Variants in RHOBTB3 observed in about 807,000 individuals in gnomAD.
RHOBTB3 encodes the protein rho-related BTB domain-containing protein 3.
RHOBTB3 carries 47 observed loss-of-function variants against 67.2 expected under a neutral mutation model. The ratio of observed to expected loss-of-function variants is 0.70; its 90% confidence interval spans 0.55 to 0.89. The LOEUF (loss-of-function observed/expected upper bound fraction) is 0.89. Ranked by LOEUF, RHOBTB3 falls within the 40% of genes least tolerant of loss-of-function variation. RHOBTB3 has a pLI of 0.00. For missense variants in RHOBTB3, 631 were observed against 750.0 expected (o/e 0.84, Z 1.85); for synonymous variants, 273 against 274.2 (o/e 1.00, Z 0.04).
At chr5:95,745,912 G>C (rs1484496228) in intron 3 of RHOBTB3, among the ~76,000 whole-genome samples, 1 of 152,006 alleles carries the variant, frequency 6.6e-6, no homozygotes, top group Non-Finnish European at 1.5e-5. Context: ...TGATATTGAA[G>C]AATATAGGAA....
At chr5:95,746,825 C>T (rs1744929557) in intron 3 of RHOBTB3, among the ~76,000 whole-genome samples, 1 of 152,146 alleles carries the variant, frequency 6.6e-6, no homozygotes, top group Non-Finnish European at 1.5e-5. Flanking sequence ...CTCCAAAATG[C>T]TTTCAGTGAA....
At chr5:95,788,518 C>T (rs1440179650) in intron 10 of RHOBTB3, among the ~76,000 whole-genome samples, 2 of 152,194 alleles carry the variant, frequency 1.3e-5, no homozygotes, top group Non-Finnish European at 2.9e-5. Flanking sequence ...TTTGGCCACT[C>T]CGGCAGCCGT....
rs1346997790 is a variant in RHOBTB3 at position 95,795,339 on chromosome 5, T to G, written c.*2165T>G. 2 of 152,180 alleles carry G rather than the reference T, an allele frequency of 1.3e-5. No homozygotes were observed. The highest frequency in any genetic ancestry group is 2.4e-5 in the African/African-American group (1 of 41,434). The allele number at this position is 152,180 out of a possible 1,614,324, so 9.4% of individuals were successfully genotyped here. A position where few individuals can be genotyped will look rare whatever the true frequency, so the allele number is the denominator to read the frequency against. ...TAGATTTCTAGAAATTCATTCACAT[T>G]TAAGACTTCTAAAATGGAATAATAG... is the stretch of plus-strand genomic sequence containing the variant. On this transcript the variant is annotated 3_prime_UTR_variant, in exon 12 of 12. Transcript: ENST00000379982.
At chr5:95,731,767 G>A (rs1755268710) in intron 1 of RHOBTB3, 83 bp downstream of exon 1, 3 of 1,605,412 alleles carry the variant, frequency 1.9e-6, no homozygotes, top group Non-Finnish European at 2.6e-6. Context: ...GCCCATCCTC[G>A]CCGCGCGCTG....
upstream of RHOBTB3, among the ~76,000 whole-genome samples, chr5:95,728,866 T>C (rs1275293148): frequency 6.6e-6 from 1 of 152,192 alleles, no homozygotes; most frequent in Non-Finnish European, 1.5e-5. Flanking sequence ...AAAACCAAGA[T>C]GGTGGTGACA....
chr5:95,785,261 G>A (rs939674228), intron 10 of RHOBTB3, among the ~76,000 whole-genome samples: 1 of 152,040 alleles, frequency 6.6e-6, no homozygotes, highest in Non-Finnish European at 1.5e-5. Context: ...CAAGTCTTAC[G>A]ATCACATGTA....
intron 2 of RHOBTB3, among the ~76,000 whole-genome samples, chr5:95,734,283 G>A (rs1053683216): frequency 6.6e-6 from 1 of 151,288 alleles, no homozygotes; most frequent in African/African-American, 2.5e-5. Context: ...TTTCACTGTA[G>A]AAATTCAGAT....
chr5:95,752,166 C>A, intron 4 of RHOBTB3, 73 bp from the exon 5 acceptor site: 1 of 876,114 alleles, frequency 1.1e-6, no homozygotes, highest in Non-Finnish European at 1.8e-6. Flanking sequence ...ACAATTGTGA[C>A]TTCAGATGCA....
intron 3 of RHOBTB3, among the ~76,000 whole-genome samples, chr5:95,741,523 G>GTTTTTT (rs70978191): frequency 5.9e-5 from 5 of 84,836 alleles, no homozygotes; most frequent in Non-Finnish European, 8.8e-5. Flanking sequence ...CTTTCTTTCT[G>GTTTTTT]TTTTTTTTTT....
intron 1 of RHOBTB3, among the ~76,000 whole-genome samples, chr5:95,721,985 T>C (rs11948954): frequency 0.052 from 7,921 of 152,222 alleles, 621 homozygotes; most frequent in African/African-American, 0.17. Flanking sequence ...TTTTTAACTG[T>C]AGACAGGATT....
At chr5:95,788,421 G>C (rs1399908189) in intron 10 of RHOBTB3, among the ~76,000 whole-genome samples, 1 of 152,206 alleles carries the variant, frequency 6.6e-6, no homozygotes, top group Non-Finnish European at 1.5e-5. Context: ...AGATACAGGT[G>C]CAGTTATTGA....
At chr5:95,755,245 C>T (rs1745208221) in intron 5 of RHOBTB3, 151 bp from the exon 6 acceptor site, 1 of 472,770 alleles carries the variant, frequency 2.1e-6, no homozygotes, top group East Asian at 4.2e-5. Context: ...TGTTTTTGTG[C>T]ATCAAAAAAT....
At chr5:95,787,453 T>A (rs55643364) in intron 10 of RHOBTB3, among the ~76,000 whole-genome samples, 27,878 of 148,158 alleles carry the variant, frequency 0.19, 2,596 homozygotes, top group South Asian at 0.25. Context: ...TATACAGCTT[T>A]AAAAAAAAAA....
At chr5:95,752,399 A>G (rs1391788444) in intron 5 of RHOBTB3, 49 bp downstream of exon 5, 8 of 1,195,846 alleles carry the variant, frequency 6.7e-6, no homozygotes. Flanking sequence ...TTCATTACAG[A>G]TCCTTTCTCA....
chr5:95,769,929 G>A (rs959287444), intron 8 of RHOBTB3: 57 of 399,256 alleles, frequency 1.4e-4, no homozygotes, highest in Non-Finnish European at 2.6e-4. Flanking sequence ...TCAGGTTATA[G>A]CAGTAAAAGC....
At chr5:95,737,228 G>A (rs979585696) in intron 3 of RHOBTB3, among the ~76,000 whole-genome samples, 153 bp downstream of exon 3, 2 of 152,086 alleles carry the variant, frequency 1.3e-5, no homozygotes, top group Non-Finnish European at 2.9e-5. Context: ...CATTTGATAC[G>A]ATAAAAAAAC....
At chr5:95,755,827 A>T (rs749090441) in intron 6 of RHOBTB3, 66 bp downstream of exon 6, 1 of 1,537,736 alleles carries the variant, frequency 6.5e-7, no homozygotes, top group South Asian at 1.2e-5. Flanking sequence ...TGTGCCTGTG[A>T]CACTCAAGGG....
Position 95,794,340 on chromosome 5 carries a change from C to T in RHOBTB3, c.*1166C>T, listed in dbSNP as rs1453775221. 1 of 169,350 alleles carries T rather than the reference C, an allele frequency of 5.9e-6. No homozygotes were observed. The highest frequency in any genetic ancestry group is 2.4e-5 in the African/African-American group (1 of 41,938). 10.5% of individuals were successfully genotyped at this position (169,350 alleles called of 1,614,324 possible). A position where few individuals can be genotyped will look rare whatever the true frequency, so the allele number is the denominator to read the frequency against. ...AGAGAATTTGCTACCGAAGTTGGCT[C>T]AAGAATTTGTTTTTAGTGTTATTTA... On this transcript the variant is annotated 3_prime_UTR_variant, in exon 12 of 12. Coordinates refer to ENST00000379982, the MANE Select transcript of RHOBTB3 (RefSeq NM_014899.4).
At chr5:95,733,438 T>C (rs1580392886) in intron 2 of RHOBTB3, among the ~76,000 whole-genome samples, 1 of 152,308 alleles carries the variant, frequency 6.6e-6, no homozygotes, top group East Asian at 1.9e-4. Context: ...ACTAGCTACA[T>C]TAGGATGTTA....
Sources: gnomAD v4.1 joint callset for allele counts (sites outside exome capture counted in the v4.1 genomes callset) on GRCh38, gnomAD v4.1.1 for gene constraint, MANE v1.5 for transcripts, NCBI Gene and HGNC (gene_info 2026-07-23, HGNC 2026-07-21) for gene names.